CEP85L: variants seen among roughly 807,000 people sequenced by gnomAD.
The protein encoded by CEP85L is centrosomal protein of 85 kDa-like.
In CEP85L, 60 loss-of-function variants were observed where a neutral mutation model predicts 100.3. That is an observed-to-expected ratio of 0.60 (90% CI 0.49 to 0.74). CEP85L has a LOEUF of 0.74. Ranked by LOEUF, CEP85L falls within the 30% of genes least tolerant of loss-of-function variation. The pLI, the probability that CEP85L is intolerant of heterozygous loss-of-function variation, is 0.00. For synonymous variants in CEP85L, 319 were observed against 322.7 expected (o/e 0.99, Z 0.12); for missense variants, 973 against 936.2 (o/e 1.04, Z -0.51).
chr6:118,568,751 C>T (rs1046865512), intron 2 of CEP85L, among the ~76,000 whole-genome samples: 2 of 152,034 alleles, frequency 1.3e-5, no homozygotes, highest in African/African-American at 4.8e-5. Flanking sequence ...TTCTGGTAAT[C>T]AGGAGAACAA....
chr6:118,523,278 A>T (rs1204923721), intron 4 of CEP85L, among the ~76,000 whole-genome samples: 1 of 152,018 alleles, frequency 6.6e-6, no homozygotes, highest in Non-Finnish European at 1.5e-5. Flanking sequence ...AGTATAAATA[A>T]TTTTTTTTCA....
chr6:118,593,685 A>T (rs1171232816), intron 2 of CEP85L, among the ~76,000 whole-genome samples: 3 of 42,548 alleles, frequency 7.1e-5, no homozygotes, highest in African/African-American at 2.0e-4. Flanking sequence ...ATGCTGTTTA[A>T]AAAAAAAAAA....
At chr6:118,526,700 G>A (rs1447410201) in intron 3 of CEP85L, among the ~76,000 whole-genome samples, 3 of 152,154 alleles carry the variant, frequency 2.0e-5, no homozygotes, top group African/African-American at 7.2e-5. Flanking sequence ...CCATGAAAGC[G>A]ACCTCTGGTC....
upstream of CEP85L, chr6:118,652,444 C>A (rs1775621674): frequency 8.3e-7 from 1 of 1,200,724 alleles, no homozygotes; most frequent in East Asian, 4.7e-5. Context: ...CGTTTAGTTA[C>A]GAACTAGTTC....
intron 6 of CEP85L, among the ~76,000 whole-genome samples, chr6:118,484,370 A>C (rs1368375125): frequency 6.6e-6 from 1 of 152,194 alleles, no homozygotes. Context: ...TATGTCACTG[A>C]AATCAACAGT....
In CEP85L at chr6:118,491,670, T is replaced by A. The variant is rs753683591; in HGVS notation, c.1437+16A>T. ...AAATGTTGTTGACCTAATTCAACTTTATTAGAAAAACCTACTTTTTCCTCT... is the reference window on the plus strand; with the variant it reads ...AAATGTTGTTGACCTAATTCAACTTAATTAGAAAAACCTACTTTTTCCTCT... On this transcript the variant is annotated intron_variant, in intron 6 of 12. Coordinates refer to ENST00000368491, the MANE Select transcript of CEP85L (RefSeq NM_001042475.3). 10 of 1,605,296 alleles carry A rather than the reference T, an allele frequency of 6.2e-6. No homozygotes were observed. The highest frequency in any genetic ancestry group is 8.5e-6 in the Non-Finnish European group (10 of 1,175,262).
chr6:118,568,666 G>A lies in CEP85L; in HGVS notation c.233-2350C>T, dbSNP rs550198667. ...TGATCAAAAAAATTGTACTTAAGATGACTGATTATTCTGACAGCAGAGTTG... is the reference window on the plus strand; with the variant it reads ...TGATCAAAAAAATTGTACTTAAGATAACTGATTATTCTGACAGCAGAGTTG... On this transcript the variant is annotated intron_variant, in intron 2 of 12. Coordinates refer to ENST00000368491, the MANE Select transcript of CEP85L (RefSeq NM_001042475.3). Among the ~76,000 whole-genome samples the A allele has an allele frequency of 2.0e-5, 3 of 152,252 alleles. No individual in the cohort carries two copies. In the East Asian group the frequency reaches 5.8e-4, roughly 29 times the overall value.
In CEP85L at chr6:118,481,792, T is replaced by C; in HGVS notation, c.1732A>G (p.Thr578Ala). 6.3e-7 allele frequency: 1 copy of C among 1,582,390 alleles called. No individual in the cohort carries two copies. The highest frequency in any genetic ancestry group is 1.8e-5 in the Admixed American group (1 of 55,706). Residue 578 changes from threonine to alanine, a missense_variant, in exon 8 of 13, where the codon ACT becomes GCT. By Grantham distance (58) the Thr-to-Ala change is moderately conservative (BLOSUM62 0). Around this residue, in one of 3 missense-constraint regions of CEP85L, gnomAD observed 890 missense variants for 844.5 expected, o/e 1.05. Coordinates refer to ENST00000368491, the MANE Select transcript of CEP85L (RefSeq NM_001042475.3). ...CQKKKEKELV[T>A]TVQSLQQKVE... is the part of the protein sequence containing the mutation. The stretch of plus-strand genomic sequence containing the variant: ...AAATTTTCTTACCTCTGAACGGTAG[T>C]TACTAACTCCTTTTCTTTCTTTTTC...
At chr6:118,633,664 A>T (rs554959115) in intron 1 of CEP85L, among the ~76,000 whole-genome samples, 2 of 152,178 alleles carry the variant, frequency 1.3e-5, no homozygotes, top group Non-Finnish European at 2.9e-5. Flanking sequence ...TACTCAAAGG[A>T]TATCAATGGA....
intron 5 of CEP85L, among the ~76,000 whole-genome samples, chr6:118,496,329 A>G (rs191568101): frequency 1.9e-3 from 229 of 118,678 alleles, no homozygotes; most frequent in African/African-American, 6.7e-3. Context: ...CACAGAAGTG[A>G]TTGCTTTGTG....
intron 1 of CEP85L, among the ~76,000 whole-genome samples, chr6:118,665,361 A>ATT (rs1435703198): frequency 1.3e-5 from 2 of 151,734 alleles, no homozygotes; most frequent in East Asian, 3.9e-4. Context: ...ATTTTATTTT[A>ATT]TTATTTTATT....
In CEP85L at chr6:118,472,580, C is replaced by G. The variant is rs140923088; in HGVS notation, c.1915-1936G>C. Among the ~76,000 whole-genome samples the G allele has an allele frequency of 3.8e-3, 585 of 152,204 alleles. 3 individuals carry two copies. Among genetic ancestry groups the G allele is most frequent in the African/African-American group, 0.013 (559 of 41,524 alleles). ...AACAAGAAAAATTCTATCAAGAATA[C>G]TGTGCGTTATTTTATAAATACTTTT... On this transcript the variant is annotated intron_variant, in intron 10 of 12. Coordinates refer to ENST00000368491, the MANE Select transcript of CEP85L (RefSeq NM_001042475.3).
intron 1 of CEP85L, among the ~76,000 whole-genome samples, chr6:118,702,372 C>T (rs967495204): frequency 2.0e-5 from 3 of 151,914 alleles, no homozygotes; most frequent in South Asian, 2.1e-4. Context: ...ATTAGCCAGG[C>T]GTGGTGATAT....
chr6:118,653,851 T>G (rs1775682111), upstream of CEP85L, among the ~76,000 whole-genome samples: 1 of 151,798 alleles, frequency 6.6e-6, no homozygotes, highest in African/African-American at 2.4e-5. Context: ...ATAAACTAGA[T>G]CACAAAAGAA....
chr6:118,513,066 T>G (rs1214740462), intron 4 of CEP85L, among the ~76,000 whole-genome samples: 1 of 152,038 alleles, frequency 6.6e-6, no homozygotes, highest in Non-Finnish European at 1.5e-5. Flanking sequence ...GAATGGTGAT[T>G]AAAACATTAG....
intron 5 of CEP85L, among the ~76,000 whole-genome samples, chr6:118,508,242 A>C (rs1775773347): frequency 6.6e-6 from 1 of 152,156 alleles, no homozygotes; most frequent in Non-Finnish European, 1.5e-5. Context: ...TGAAGAAAAA[A>C]TAGAAAAAAA....
chr6:118,611,796 G>C (rs780656308), intron 2 of CEP85L, among the ~76,000 whole-genome samples: 5 of 152,158 alleles, frequency 3.3e-5, no homozygotes, highest in Non-Finnish European at 7.4e-5. Flanking sequence ...GACAGACCAA[G>C]AAGTAATAGC....
chr6:118,591,998 C>T lies in CEP85L; in HGVS notation c.233-25682G>A, dbSNP rs1053782452. Among the ~76,000 whole-genome samples the T allele has an allele frequency of 5.3e-5, 8 of 152,238 alleles. No individual in the cohort carries two copies. In the South Asian group the frequency reaches 1.5e-3, roughly 28 times the overall value. ...TGTTTTGAATACTGCCTTGAAATTA[C>T]GATTTCACAAGCAAAAAAGTTCTTT... On this transcript the variant is annotated intron_variant, in intron 2 of 12. Coordinates refer to ENST00000368491, the MANE Select transcript of CEP85L (RefSeq NM_001042475.3).
intron 2 of CEP85L, among the ~76,000 whole-genome samples, chr6:118,614,403 C>T (rs1165777893): frequency 2.0e-5 from 3 of 152,126 alleles, no homozygotes; most frequent in African/African-American, 4.8e-5. Context: ...GAGAAGAAAA[C>T]AAAAGGCACA....
Sources: gnomAD v4.1 joint callset for allele counts (sites outside exome capture counted in the v4.1 genomes callset) on GRCh38, gnomAD v4.1.1 for gene constraint, gnomAD v4.1.1 regional missense constraint, MANE v1.5 for transcripts, NCBI Gene and HGNC (gene_info 2026-07-23, HGNC 2026-07-21) for gene names.